CDK6: variants seen among roughly 807,000 people sequenced by gnomAD.
CDK6 encodes cyclin dependent kinase 6, also known as cyclin-dependent kinase 6.
CDK6 carries 6 observed loss-of-function variants against 37.1 expected under a neutral mutation model. The observed-to-expected ratio is 0.16, with a 90% CI of 0.09 to 0.32. The LOEUF (loss-of-function observed/expected upper bound fraction) is 0.32. CDK6 is among the 10% of genes least tolerant of loss of function. The probability of loss-of-function intolerance (pLI) is 1.00; values close to 1 mark genes in which losing one functional copy is unlikely to be tolerated. For missense variants in CDK6, 224 were observed against 418.9 expected, an observed-to-expected ratio of 0.53 and a Z score of 4.06; for synonymous variants, 160 against 161.3, an observed-to-expected ratio of 0.99 and a Z score of 0.06.
chr7:92,809,913 A>T (rs1325291180), intron 2 of CDK6, among the ~76,000 whole-genome samples: 2 of 152,202 alleles, frequency 1.3e-5, no homozygotes, highest in Admixed American at 6.5e-5. Context: ...CATCCTCGTC[A>T]GCACTTCTGG....
At chr7:92,761,110 T>C (rs1038969650) in intron 3 of CDK6, among the ~76,000 whole-genome samples, 2 of 152,090 alleles carry the variant, frequency 1.3e-5, no homozygotes, top group Admixed American at 6.6e-5. Flanking sequence ...TTGCAAATAT[T>C]TTATCATTTG....
At chr7:92,809,464 T>C (rs1028473207) in intron 2 of CDK6, among the ~76,000 whole-genome samples, 10 of 152,210 alleles carry the variant, frequency 6.6e-5, no homozygotes, top group Non-Finnish European at 1.0e-4. Context: ...CTTCCCTTAC[T>C]TGGCCTTACT....
chr7:92,712,527 T>C (rs1228238146), intron 4 of CDK6, among the ~76,000 whole-genome samples: 2 of 152,276 alleles, frequency 1.3e-5, no homozygotes, highest in African/African-American at 4.8e-5. Context: ...ACTGTGCATA[T>C]AGTAGCAGCA....
chr7:92,624,033 TTAAA>T (rs1395801274), intron 5 of CDK6, among the ~76,000 whole-genome samples: 2 of 152,140 alleles, frequency 1.3e-5, no homozygotes, highest in Non-Finnish European at 2.9e-5. Flanking sequence ...ACTTGACCTC[TTAAA>T]TATTTTCTGT....
At chr7:92,634,333 T>C (rs1208817121) in intron 5 of CDK6, among the ~76,000 whole-genome samples, 1 of 152,192 alleles carries the variant, frequency 6.6e-6, no homozygotes, top group African/African-American at 2.4e-5. Context: ...ATAAATTGCA[T>C]CACTTCCTAA....
chr7:92,664,291 G>T (rs1009619626), intron 5 of CDK6, among the ~76,000 whole-genome samples: 2 of 152,028 alleles, frequency 1.3e-5, no homozygotes, highest in African/African-American at 2.4e-5. Context: ...CACGTGTTTC[G>T]ACCTAACCTG....
At chr7:92,805,771 C>A (rs997299284) in intron 2 of CDK6, among the ~76,000 whole-genome samples, 1 of 152,148 alleles carries the variant, frequency 6.6e-6, no homozygotes, top group African/African-American at 2.4e-5. Context: ...ACCTTGTTCC[C>A]CCCGTACAAT....
At chr7:92,836,241 C>G (rs1043233317) in intron 1 of CDK6, among the ~76,000 whole-genome samples, 1 of 151,596 alleles carries the variant, frequency 6.6e-6, no homozygotes, top group Non-Finnish European at 1.5e-5. Context: ...GGATCTCCCC[C>G]TCTCATCAGA....
chr7:92,794,489 T>C (rs1301404657), intron 2 of CDK6, among the ~76,000 whole-genome samples: 1 of 152,106 alleles, frequency 6.6e-6, no homozygotes, highest in Non-Finnish European at 1.5e-5. Flanking sequence ...TATTGGATCC[T>C]AAAAATACTT....
intron 4 of CDK6, chr7:92,725,253 AG>A: frequency 2.0e-6 from 2 of 985,468 alleles, no homozygotes; most frequent in Non-Finnish European, 2.4e-6. Flanking sequence ...TGCTGCAGAC[AG>A]GTCAACGTTG....
In CDK6 at chr7:92,710,819, G is replaced by A. The variant is rs115417814; in HGVS notation, c.537+14807C>T. 1.4e-3 allele frequency: 1,346 copies of A among 985,414 alleles called. 18 individuals are homozygous for A. In the African/African-American group the frequency reaches 0.022, roughly 16 times the overall value. The allele number at this position is 985,414 out of a possible 1,614,324, so 61.0% of individuals were successfully genotyped here. A position where few individuals can be genotyped will look rare whatever the true frequency, so the allele number is the denominator to read the frequency against. ...GAGGGCTGATACTCAGAGGAGACCC[G>A]GGCAGACGGATGACTTGGACACCTC... On this transcript the variant is annotated intron_variant, in intron 4 of 7. Coordinates refer to ENST00000424848, the MANE Select transcript of CDK6 (RefSeq NM_001145306.2).
intron 4 of CDK6, among the ~76,000 whole-genome samples, chr7:92,703,007 C>T (rs1797889564): frequency 6.6e-6 from 1 of 152,194 alleles, no homozygotes. Context: ...TGTCTCCAGG[C>T]ATCGATGAGT....
intron 3 of CDK6, among the ~76,000 whole-genome samples, chr7:92,738,624 G>A (rs1455152890): frequency 1.4e-5 from 2 of 147,786 alleles, no homozygotes; most frequent in Admixed American, 1.3e-4. Flanking sequence ...GGCAACAAGG[G>A]CAAAACTCCA....
At chr7:92,769,515 A>G (rs1268363684) in intron 3 of CDK6, among the ~76,000 whole-genome samples, 1 of 152,162 alleles carries the variant, frequency 6.6e-6, no homozygotes, top group Non-Finnish European at 1.5e-5. Context: ...TTTATCAAAC[A>G]TGTTTCATGC....
At chr7:92,730,655 C>T (rs1284037112) in intron 3 of CDK6, among the ~76,000 whole-genome samples, 1 of 152,134 alleles carries the variant, frequency 6.6e-6, no homozygotes, top group Non-Finnish European at 1.5e-5. Flanking sequence ...GTGAGTGGCT[C>T]GCCTCAGTTA....
chr7:92,712,155 G>A (rs1197661684), intron 4 of CDK6, among the ~76,000 whole-genome samples: 2 of 146,362 alleles, frequency 1.4e-5, no homozygotes, highest in African/African-American at 2.7e-5. Context: ...GCAAGACTCC[G>A]TCCCAAAAAA....
intron 5 of CDK6, among the ~76,000 whole-genome samples, chr7:92,633,321 C>T (rs927931313): frequency 1.3e-5 from 2 of 152,024 alleles, no homozygotes; most frequent in African/African-American, 4.8e-5. Context: ...CCACAACATT[C>T]CTCAGAAATT....
intron 4 of CDK6, among the ~76,000 whole-genome samples, chr7:92,714,067 T>C (rs1480100814): frequency 6.6e-6 from 1 of 152,228 alleles, no homozygotes; most frequent in Non-Finnish European, 1.5e-5. Flanking sequence ...GAAATGGCTA[T>C]TTTGCAATGT....
At chr7:92,724,725 TA>T (rs754939536) in intron 4 of CDK6, among the ~76,000 whole-genome samples, 39 of 152,172 alleles carry the variant, frequency 2.6e-4, no homozygotes, top group Non-Finnish European at 5.0e-4. Flanking sequence ...CAATACGGAT[TA>T]TTTTTTTTTA....
Sources: allele counts gnomAD v4.1 joint callset (sites outside exome capture counted in the v4.1 genomes callset), GRCh38; gene constraint gnomAD v4.1.1; transcripts MANE v1.5; gene names NCBI Gene and HGNC (gene_info 2026-07-23, HGNC 2026-07-21).